NTM: variants seen among roughly 807,000 people sequenced by gnomAD.
The protein encoded by NTM is IgLON family member 2.
A neutral mutation model predicts 42.1 loss-of-function variants in NTM; 13 were observed. The observed-to-expected ratio is 0.31, with a 90% CI of 0.20 to 0.49. The LOEUF is 0.49. Ranked by LOEUF, NTM falls within the 20% of genes least tolerant of loss-of-function variation. The probability of loss-of-function intolerance (pLI) is 0.99; values close to 1 mark genes in which losing one functional copy is unlikely to be tolerated. For synonymous variants in NTM, 187 were observed against 179.2 expected (o/e 1.04, Z -0.35); for missense variants, 373 against 452.8 (o/e 0.82, Z 1.60).
At chr11:131,652,495 G>A (rs2066625529) in intron 1 of NTM, among the ~76,000 whole-genome samples, 1 of 152,170 alleles carries the variant, frequency 6.6e-6, no homozygotes, top group African/African-American at 2.4e-5. Flanking sequence ...AGGGACCCAG[G>A]CTCATCTCCT....
At chr11:131,385,320 A>G (rs1020411018) in intron 1 of NTM, 4 of 152,248 alleles carry the variant, frequency 2.6e-5, no homozygotes, top group African/African-American at 9.6e-5. Context: ...TCCATAGGGT[A>G]CACATATGGT....
At chr11:132,108,232 G>A (rs1443301845) in intron 2 of NTM, among the ~76,000 whole-genome samples, 16 of 152,088 alleles carry the variant, frequency 1.1e-4, no homozygotes, top group African/African-American at 3.9e-4. Flanking sequence ...TATTTCAACA[G>A]GCTTTAGTTT....
intron 2 of NTM, among the ~76,000 whole-genome samples, chr11:132,093,123 C>T (rs1230159108): frequency 1.3e-5 from 2 of 152,148 alleles, no homozygotes; most frequent in Non-Finnish European, 1.5e-5. Flanking sequence ...GTTTTGGGTG[C>T]CCTAAGCCTT....
chr11:132,273,323 T>TC (rs1367321952), intron 4 of NTM, among the ~76,000 whole-genome samples: 1 of 145,352 alleles, frequency 6.9e-6, no homozygotes, highest in African/African-American at 2.5e-5. Flanking sequence ...TTTTTTTTTT[T>TC]TTTTTTTTTT....
At chr11:131,689,703 T>A (rs1425536359) in intron 1 of NTM, among the ~76,000 whole-genome samples, 1 of 152,002 alleles carries the variant, frequency 6.6e-6, no homozygotes, top group Non-Finnish European at 1.5e-5. Flanking sequence ...GGATCTTGGG[T>A]CCTCTCTGTC....
At chr11:131,553,337 C>G (rs2054964669) in intron 1 of NTM, among the ~76,000 whole-genome samples, 1 of 152,128 alleles carries the variant, frequency 6.6e-6, no homozygotes, top group African/African-American at 2.4e-5. Context: ...ACTTAAGCAA[C>G]CTGGATGAGA....
intron 1 of NTM, among the ~76,000 whole-genome samples, chr11:131,680,068 G>T (rs2072169380): frequency 6.6e-6 from 1 of 152,076 alleles, no homozygotes; most frequent in African/African-American, 2.4e-5. Flanking sequence ...CTGGACAAGG[G>T]GAGATGAGGC....
chr11:131,958,191 T>C (rs1190745139), intron 2 of NTM, among the ~76,000 whole-genome samples: 1 of 152,118 alleles, frequency 6.6e-6, no homozygotes, highest in Non-Finnish European at 1.5e-5. Flanking sequence ...ATCCCACACA[T>C]CCGACCCAAT....
At chr11:131,869,940 T>C (rs1432548049) in intron 1 of NTM, among the ~76,000 whole-genome samples, 1 of 152,210 alleles carries the variant, frequency 6.6e-6, no homozygotes, top group African/African-American at 2.4e-5. Context: ...TCACAGACCA[T>C]GTGCTATGCA....
At chr11:131,730,721 A>AAAAAAAAAAAAAAAAAAAAAAAAAG (rs113412896) in intron 1 of NTM, among the ~76,000 whole-genome samples, 6 of 134,378 alleles carry the variant, frequency 4.5e-5, no homozygotes, top group South Asian at 2.5e-4. Context: ...CTATCTGTTA[A>AAAAAAAAAAAAAAAAAAAAAAAAAG]AAGAAGAAGA....
chr11:131,847,046 G>A (rs549295328), intron 1 of NTM, among the ~76,000 whole-genome samples: 36 of 152,218 alleles, frequency 2.4e-4, no homozygotes, highest in African/African-American at 7.9e-4. Context: ...GGTAGCTAAG[G>A]TTCCTGCTTC....
rs775850383 is a variant in NTM at position 131,990,588 on chromosome 11, A to G, written c.167+78940A>G. Among the ~76,000 whole-genome samples the G allele has an allele frequency of 6.2e-4, 94 of 152,172 alleles. 1 individual carries two copies. The highest frequency in any genetic ancestry group is 1.3e-3 in the Non-Finnish European group (85 of 67,946). On this transcript the variant is annotated intron_variant, in intron 2 of 8. Transcript: ENST00000683400. ...CAGTCTTACACAAAACCTTAACAAA[A>G]TGTTCCTATAGATCCTGCTAGAACT...
chr11:131,447,850 A>G (rs1180275561), intron 1 of NTM, among the ~76,000 whole-genome samples: 1 of 152,202 alleles, frequency 6.6e-6, no homozygotes, highest in East Asian at 1.9e-4. Context: ...CGCAGCCGCC[A>G]TCATGCACCG....
At chr11:132,068,941 T>C (rs2056934771) in intron 2 of NTM, among the ~76,000 whole-genome samples, 1 of 152,248 alleles carries the variant, frequency 6.6e-6, no homozygotes, top group Non-Finnish European at 1.5e-5. Flanking sequence ...AAACCAATTT[T>C]ATTTTTGAAT....
chr11:131,384,533 T>A (rs532653849), intron 1 of NTM, among the ~76,000 whole-genome samples: 15 of 150,336 alleles, frequency 1.0e-4, no homozygotes, highest in African/African-American at 3.2e-4. Flanking sequence ...AGAAAATGAG[T>A]GTAATTATTT....
intron 1 of NTM, among the ~76,000 whole-genome samples, chr11:131,668,327 G>C (rs1415791629): frequency 1.3e-5 from 2 of 151,562 alleles, no homozygotes; most frequent in Non-Finnish European, 2.9e-5. Flanking sequence ...CTTACTATCA[G>C]CAATGCCTGG....
At chr11:131,855,476 A>G (rs1210139375) in intron 1 of NTM, among the ~76,000 whole-genome samples, 1 of 152,214 alleles carries the variant, frequency 6.6e-6, no homozygotes, top group East Asian at 1.9e-4. Flanking sequence ...TACTCATTCC[A>G]GCAAAGAAAA....
At chr11:131,913,433 G>A (rs1021557034) in intron 2 of NTM, among the ~76,000 whole-genome samples, 1 of 152,162 alleles carries the variant, frequency 6.6e-6, no homozygotes, top group Non-Finnish European at 1.5e-5. Context: ...CCAGAATCTG[G>A]TCTCCAGAAG....
At chr11:131,950,180 G>A (rs993360308) in intron 2 of NTM, among the ~76,000 whole-genome samples, 2 of 152,068 alleles carry the variant, frequency 1.3e-5, no homozygotes, top group South Asian at 2.1e-4. Context: ...TTGCCCTAGA[G>A]GCCTCCTGTT....
Sources: allele counts gnomAD v4.1 joint callset (sites outside exome capture counted in the v4.1 genomes callset), GRCh38; gene constraint gnomAD v4.1.1; transcripts MANE v1.5; gene names NCBI Gene and HGNC (gene_info 2026-07-23, HGNC 2026-07-21).